Variants in GRIK4 observed in about 807,000 individuals in gnomAD.
GRIK4 encodes the protein glutamate ionotropic receptor kainate type subunit 4.
In GRIK4, 40 loss-of-function variants were observed where a neutral mutation model predicts 104.9. The ratio of observed to expected loss-of-function variants is 0.38; its 90% CI spans 0.30 to 0.50. The LOEUF (loss-of-function observed/expected upper bound fraction) is 0.50. GRIK4 is among the 20% of genes least tolerant of loss of function. GRIK4 has a pLI of 0.93. For synonymous variants in GRIK4, 485 were observed against 524.9 expected, an observed-to-expected ratio of 0.92 and a Z score of 1.04; for missense variants, 1,047 against 1,308.1, an observed-to-expected ratio of 0.80 and a Z score of 3.08.
chr11:120,632,489 C>T (rs994442323), intron 1 of GRIK4, among the ~76,000 whole-genome samples: 2 of 152,050 alleles, frequency 1.3e-5, no homozygotes, highest in African/African-American at 2.4e-5. Flanking sequence ...TCAGGCTGGA[C>T]CCTGCTCACT....
intron 8 of GRIK4, among the ~76,000 whole-genome samples, chr11:120,842,014 C>T (rs377078022): frequency 6.2e-4 from 95 of 152,236 alleles, no homozygotes; most frequent in Middle Eastern, 3.4e-3. Flanking sequence ...TGAGCTGGGA[C>T]CTTTGGAGGT....
chr11:120,579,679 T>C (rs1948541502), intron 1 of GRIK4, among the ~76,000 whole-genome samples: 2 of 152,202 alleles, frequency 1.3e-5, no homozygotes, highest in African/African-American at 4.8e-5. Context: ...TGACAGAGGC[T>C]TGGACATAGT....
rs1228888833 is a variant in GRIK4 at position 120,753,323 on chromosome 11, G to GTA, written c.83-49369_83-49368insAT. ...TGTGTGTGTGTGTGTGTGTGTGTGT[G>GTA]TGTGTGTGTGTGTGTGTGTGCAGGG... On this transcript the variant is annotated intron_variant, in intron 3 of 20. Coordinates refer to ENST00000527524, the MANE Select transcript of GRIK4 (RefSeq NM_014619.5). 9.7e-3 allele frequency among the ~76,000 whole-genome samples: 1,371 copies of GTA among 140,972 alleles called. 26 individuals carry two copies. The highest frequency in any genetic ancestry group is 0.034 in the African/African-American group (1,248 of 37,202). 92.5% of individuals were successfully genotyped at this position (140,972 alleles called of 152,430 possible).
intron 3 of GRIK4, among the ~76,000 whole-genome samples, chr11:120,667,131 G>T (rs1949928110): frequency 6.6e-6 from 1 of 152,192 alleles, no homozygotes; most frequent in Non-Finnish European, 1.5e-5. Context: ...CTGGGATTTG[G>T]TGATACAATC....
intron 3 of GRIK4, among the ~76,000 whole-genome samples, chr11:120,717,056 C>G (rs535990778): frequency 3.9e-5 from 6 of 152,312 alleles, no homozygotes; most frequent in African/African-American, 1.4e-4. Flanking sequence ...GATGCTGCGG[C>G]GGTGGCTCCT....
At chr11:120,566,501 A>T (rs1462574333) in intron 1 of GRIK4, among the ~76,000 whole-genome samples, 1 of 152,172 alleles carries the variant, frequency 6.6e-6, no homozygotes, top group Non-Finnish European at 1.5e-5. Flanking sequence ...GACCCTCCAG[A>T]TTTGGAATAA....
chr11:120,812,977 G>C (rs189226499), intron 4 of GRIK4, among the ~76,000 whole-genome samples: 1 of 152,184 alleles, frequency 6.6e-6, no homozygotes, highest in Admixed American at 6.5e-5. Flanking sequence ...CAGATTGCAC[G>C]GTGTTAGGAA....
rs965807243 is a variant in GRIK4, at chr11:120,861,977, A to G, written c.763A>G (p.Met255Val). 1.2e-6 allele frequency: 2 copies of G among 1,613,798 alleles called. No individual in the cohort carries two copies. The highest frequency in any genetic ancestry group is 1.7e-6 in the Non-Finnish European group (2 of 1,179,672). Reference protein sequence around the residue: ...FTNLEFSLQRMDSLVDDRVNI... With the variant: ...FTNLEFSLQRVDSLVDDRVNI... ...TTTCCAGGAGTTCTCACTCCAGAGA[A>G]TGGACAGCCTTGTGGATGATCGTGT... Residue 255 changes from methionine to valine, a missense_variant, in exon 9 of 21, where the codon ATG (methionine) becomes GTG (valine). Met to Val is a conservative substitution (Grantham distance 21, BLOSUM62 1). Around this residue, in one of 3 missense-constraint regions of GRIK4, gnomAD observed 447 missense variants for 514.9 expected, o/e 0.87. Coordinates refer to ENST00000527524, the MANE Select transcript of GRIK4 (RefSeq NM_014619.5).
At chr11:120,729,350 T>A (rs1951088525) in intron 3 of GRIK4, among the ~76,000 whole-genome samples, 1 of 152,198 alleles carries the variant, frequency 6.6e-6, no homozygotes, top group East Asian at 1.9e-4. Flanking sequence ...TTCTCCTTAG[T>A]GGTTATACTA....
chr11:120,827,063 C>T (rs987932781), intron 6 of GRIK4, among the ~76,000 whole-genome samples: 1 of 152,206 alleles, frequency 6.6e-6, no homozygotes, highest in Non-Finnish European at 1.5e-5. Context: ...CTTATATGAA[C>T]TGCTTCCCAC....
intron 9 of GRIK4, chr11:120,872,142 C>T: frequency 3.0e-6 from 1 of 333,734 alleles, no homozygotes. Flanking sequence ...GGAATGCTGT[C>T]TTCTGACGCT....
intron 11 of GRIK4, among the ~76,000 whole-genome samples, chr11:120,896,519 A>C (rs1443573521): frequency 6.6e-6 from 1 of 152,082 alleles, no homozygotes; most frequent in Non-Finnish European, 1.5e-5. Flanking sequence ...CCCCTTTTCC[A>C]CAGGAAAGGC....
intron 4 of GRIK4, among the ~76,000 whole-genome samples, chr11:120,808,507 C>CGCTGTT (rs1322073431): frequency 6.6e-6 from 1 of 152,136 alleles, no homozygotes; most frequent in Non-Finnish European, 1.5e-5. Flanking sequence ...TTGCGTGATA[C>CGCTGTT]GCTGTTGGTG....
intron 6 of GRIK4, among the ~76,000 whole-genome samples, chr11:120,829,697 T>A (rs1953371525): frequency 6.6e-6 from 1 of 152,156 alleles, no homozygotes. Context: ...TCTCATACGA[T>A]CACAGTGAGT....
At chr11:120,601,349 T>C (rs1270042879) in intron 1 of GRIK4, among the ~76,000 whole-genome samples, 1 of 151,542 alleles carries the variant, frequency 6.6e-6, no homozygotes, top group Non-Finnish European at 1.5e-5. Flanking sequence ...GCGGTTGCAG[T>C]GAGCCGAGAT....
chr11:120,880,248 C>T (rs1954930619), intron 11 of GRIK4, among the ~76,000 whole-genome samples: 2 of 152,196 alleles, frequency 1.3e-5, no homozygotes, highest in Admixed American at 6.5e-5. Flanking sequence ...TTGTCCTTGC[C>T]TGTGGTTACA....
At chr11:120,811,069 T>C (rs552520294) in intron 4 of GRIK4, among the ~76,000 whole-genome samples, 2 of 152,202 alleles carry the variant, frequency 1.3e-5, no homozygotes, top group Admixed American at 6.5e-5. Context: ...AGATAGCCAT[T>C]TGGGAACAGG....
chr11:120,977,687 G>C (rs577172203), intron 19 of GRIK4, among the ~76,000 whole-genome samples: 2 of 152,184 alleles, frequency 1.3e-5, no homozygotes, highest in Admixed American at 1.3e-4. Context: ...TAACATGCTG[G>C]CCATGAAATG....
At chr11:120,624,955 G>A (rs1206506468) in intron 1 of GRIK4, among the ~76,000 whole-genome samples, 1 of 152,178 alleles carries the variant, frequency 6.6e-6, no homozygotes, top group Non-Finnish European at 1.5e-5. Flanking sequence ...TTATAGACTA[G>A]CAATCATGCG....
Sources: allele counts gnomAD v4.1 joint callset (sites outside exome capture counted in the v4.1 genomes callset), GRCh38; gene constraint gnomAD v4.1.1; regional missense constraint gnomAD v4.1.1; transcripts MANE v1.5; gene names NCBI Gene and HGNC (gene_info 2026-07-23, HGNC 2026-07-21).